COL4A6: variants seen among roughly 807,000 people sequenced by gnomAD.
COL4A6 encodes collagen alpha-6(IV) chain.
COL4A6 carries 59 observed loss-of-function variants against 126.7 expected under a neutral mutation model. The observed-to-expected ratio is 0.47, with a 90% CI of 0.38 to 0.58. The LOEUF is 0.58. Ranked by LOEUF, COL4A6 falls within the 20% of genes least tolerant of loss-of-function variation. The pLI is 0.00. For synonymous variants in COL4A6, 547 were observed against 496.6 expected (o/e 1.10, Z -1.35); for missense variants, 1,285 against 1,337.3 (o/e 0.96, Z 0.61).
At chrX:108,301,209 T>C in intron 3 of COL4A6, among the ~76,000 whole-genome samples, 1 of 112,388 alleles carries the variant, frequency 8.9e-6, no homozygotes, top group Middle Eastern at 4.6e-3. Flanking sequence ...CAGTGAACTT[T>C]CATACAGTCA....
intron 2 of COL4A6, among the ~76,000 whole-genome samples, chrX:108,372,797 T>C (rs1569447182): frequency 8.9e-6 from 1 of 112,484 alleles, no homozygotes; most frequent in Non-Finnish European, 1.9e-5. Context: ...AAGCCACATG[T>C]GCTTTGCTCA....
intron 2 of COL4A6, among the ~76,000 whole-genome samples, chrX:108,312,977 G>C (rs2038796425): frequency 8.9e-6 from 1 of 111,894 alleles, no homozygotes; most frequent in Non-Finnish European, 1.9e-5. Flanking sequence ...AGAATCAGAA[G>C]CTAAGGTTTC....
rs1030486878 is a variant in COL4A6 at position 108,251,341 on chromosome X, A to C, written c.145-29967T>G. Among the ~76,000 whole-genome samples, 13 of 111,417 alleles carry C rather than the reference A, an allele frequency of 1.2e-4. No homozygotes were observed. In the Admixed American group the frequency reaches 1.2e-3, roughly 11 times the overall value. ...TGTGAGTCATTTGAAACCAAACATCATCAGATTTCCAGAGACCTTTGCAAG... is the reference window on the plus strand; with the variant it reads ...TGTGAGTCATTTGAAACCAAACATCCTCAGATTTCCAGAGACCTTTGCAAG... On this transcript the variant is annotated intron_variant, in intron 3 of 44. Coordinates refer to ENST00000334504, the MANE Select transcript of COL4A6 (RefSeq NM_033641.4).
chrX:108,195,274 A>ACT (rs1290419521), intron 14 of COL4A6, 148 bp from the exon 15 acceptor site: 29 of 304,351 alleles, frequency 9.5e-5, no homozygotes, highest in Admixed American at 6.0e-4. Context: ...TAGCTTAACG[A>ACT]CTTTTTTTTT....
intron 2 of COL4A6, among the ~76,000 whole-genome samples, chrX:108,332,934 T>C (rs1282464795): frequency 9.0e-6 from 1 of 111,329 alleles, no homozygotes; most frequent in East Asian, 2.8e-4. Context: ...GAAGTATTTT[T>C]CCTAGTTTTT....
intron 3 of COL4A6, among the ~76,000 whole-genome samples, chrX:108,223,138 C>A (rs909555944): frequency 9.0e-6 from 1 of 111,476 alleles, no homozygotes; most frequent in Non-Finnish European, 1.9e-5. Flanking sequence ...GAACAGAAAA[C>A]CAAACGCTGC....
intron 14 of COL4A6, 61 bp downstream of exon 14, chrX:108,196,450 A>G: frequency 9.4e-7 from 1 of 1,063,579 alleles, no homozygotes; most frequent in South Asian, 2.0e-5. Context: ...AGAAGCAAAC[A>G]GGAAAGAAAA....
chrX:108,168,556 T>C (rs747196430), intron 37 of COL4A6, among the ~76,000 whole-genome samples: 1 of 112,263 alleles, frequency 8.9e-6, no homozygotes, highest in East Asian at 2.8e-4. Context: ...CCAGGTAACA[T>C]GCAATAATAT....
chrX:108,212,825 A>T (rs1423351815), intron 6 of COL4A6, among the ~76,000 whole-genome samples: 1 of 111,828 alleles, frequency 8.9e-6, no homozygotes, highest in South Asian at 3.8e-4. Flanking sequence ...CTTGAGGTTA[A>T]GTTAAGAGAC....
At chrX:108,323,241 TA>T (rs769516278) in intron 2 of COL4A6, among the ~76,000 whole-genome samples, 8 of 112,029 alleles carry the variant, frequency 7.1e-5, no homozygotes, top group Non-Finnish European at 1.5e-4. Context: ...GTATGCTTGC[TA>T]GACAATCTTT....
chrX:108,200,995 T>G (rs778702934), intron 13 of COL4A6, among the ~76,000 whole-genome samples: 3 of 112,080 alleles, frequency 2.7e-5, no homozygotes, highest in Non-Finnish European at 5.6e-5. Flanking sequence ...AAAGTTTGGG[T>G]GTTCTGTCTC....
chrX:108,307,041 C>A (rs908854394), intron 3 of COL4A6, among the ~76,000 whole-genome samples: 1 of 108,696 alleles, frequency 9.2e-6, no homozygotes, highest in Admixed American at 9.9e-5. Context: ...GCTTTCAGAT[C>A]TAGTAGGGAA....
chrX:108,298,554 G>A (rs2038393090), intron 3 of COL4A6, among the ~76,000 whole-genome samples: 2 of 111,709 alleles, frequency 1.8e-5, no homozygotes, highest in African/African-American at 3.3e-5. Flanking sequence ...GGGAACGGGT[G>A]CTGTTCTCGG....
intron 13 of COL4A6, among the ~76,000 whole-genome samples, chrX:108,198,998 C>G (rs1054036669): frequency 9.0e-5 from 10 of 111,248 alleles, no homozygotes; most frequent in African/African-American, 3.3e-4. Context: ...GGACCTGTGG[C>G]CTACAAGTGT....
In COL4A6 at chrX:108,159,507, G is replaced by T. The variant is rs1236458780; in HGVS notation, c.4767C>A (p.Cys1589Ter). 8.2e-7 allele frequency: 1 copy of T among 1,212,260 alleles called. No individual in the cohort carries two copies. Among genetic ancestry groups the T allele is most frequent in the Non-Finnish European group, 1.1e-6 (1 of 895,623 alleles). Residue 1589 changes from cysteine to a stop codon, truncating the protein, a stop_gained, in exon 44 of 45, where the codon TGC becomes TGA. Transcript: ENST00000334504. LOFTEE classifies it high-confidence loss of function. ...VHSQDITIPQ[C>*]PLGWRSLWIG... ...TCCAGAGGCTGCGCCAGCCCAGGGG[G>T]CACTGCGGGATGGTGATGTCCTGGC...
At chrX:108,314,277 C>A (rs1253530837) in intron 2 of COL4A6, among the ~76,000 whole-genome samples, 2 of 111,775 alleles carry the variant, frequency 1.8e-5, no homozygotes, top group Non-Finnish European at 3.8e-5. Flanking sequence ...ATCCAAATCA[C>A]CCATTTTACA....
chrX:108,343,134 AATATAT>A (rs555568295), intron 2 of COL4A6, among the ~76,000 whole-genome samples: 2,146 of 55,067 alleles, frequency 0.039, 142 homozygotes, highest in African/African-American at 0.13. Context: ...GATTAATGGG[AATATAT>A]ATATATATAT....
At chrX:108,187,343 A>G in intron 22 of COL4A6, 64 bp from the exon 23 acceptor site, 1 of 929,371 alleles carries the variant, frequency 1.1e-6, no homozygotes, top group Non-Finnish European at 1.4e-6. Flanking sequence ...CAGTCCTCTG[A>G]CTACAGGAAA....
chrX:108,404,188 A>T (rs1041455574), intron 2 of COL4A6, among the ~76,000 whole-genome samples: 1 of 112,104 alleles, frequency 8.9e-6, no homozygotes, highest in Non-Finnish European at 1.9e-5. Context: ...GTTCTGTTAT[A>T]GTAGTGCAAC....
Sources: gnomAD v4.1 joint callset for allele counts (sites outside exome capture counted in the v4.1 genomes callset) on GRCh38, gnomAD v4.1.1 for gene constraint, MANE v1.5 for transcripts, NCBI Gene and HGNC (gene_info 2026-07-23, HGNC 2026-07-21) for gene names.